The following COBL variants were observed in gnomAD, a reference collection of about 807,000 sequenced individuals.
The protein encoded by COBL is protein cordon-bleu.
Under a neutral mutation model 98.8 loss-of-function variants are expected in COBL, and 51 were observed. The observed-to-expected ratio is 0.52, with a 90% CI of 0.41 to 0.65. The LOEUF (loss-of-function observed/expected upper bound fraction) is 0.65. Ranked by LOEUF, COBL falls within the 30% of genes least tolerant of loss-of-function variation. The probability of loss-of-function intolerance (pLI) is 0.00; values close to 1 mark genes in which losing one functional copy is unlikely to be tolerated. For missense variants in COBL, 1,617 were observed against 1,617.5 expected, an observed-to-expected ratio of 1.00 and a Z score of 0.01; for synonymous variants, 634 against 651.7, an observed-to-expected ratio of 0.97 and a Z score of 0.41.
chr7:51,260,532 G>T lies in COBL; in HGVS notation c.42-40588C>A, dbSNP rs957035209. ...ACAAACACTCAAGACACCAAGGCTT[G>T]TGCCATGAGAAAGGCTCATATACAA... is the stretch of plus-strand genomic sequence containing the variant. On this transcript the variant is annotated intron_variant, in intron 1 of 12. Transcript: ENST00000265136. Among the ~76,000 whole-genome samples the T allele has an allele frequency of 2.0e-5, 3 of 152,224 alleles. No homozygotes were observed. In the South Asian group the frequency reaches 6.2e-4, roughly 32 times the overall value.
At chr7:51,164,682 C>T (rs764763408) in intron 5 of COBL, among the ~76,000 whole-genome samples, 21 of 151,940 alleles carry the variant, frequency 1.4e-4, no homozygotes, top group Non-Finnish European at 2.7e-4. Flanking sequence ...ACAAAACTCA[C>T]GGGTAATAGT....
At chr7:51,114,361 C>G (rs561442898) in intron 6 of COBL, among the ~76,000 whole-genome samples, 39 of 129,696 alleles carry the variant, frequency 3.0e-4, no homozygotes, top group Non-Finnish European at 5.8e-4. Context: ...CTGGTTCTTA[C>G]GTACTCCAGA....
intron 8 of COBL, among the ~76,000 whole-genome samples, chr7:51,039,629 T>C (rs901440687): frequency 6.6e-6 from 1 of 152,252 alleles, no homozygotes; most frequent in East Asian, 1.9e-4. Context: ...TCAAGCAATA[T>C]AGCACAGGGA....
chr7:51,090,895 G>A (rs1228044211), intron 6 of COBL, among the ~76,000 whole-genome samples: 1 of 152,224 alleles, frequency 6.6e-6, no homozygotes, highest in Non-Finnish European at 1.5e-5. Context: ...CAGTACCATA[G>A]ACAGATGCAA....
intron 7 of COBL, among the ~76,000 whole-genome samples, chr7:51,057,323 C>T (rs142868955): frequency 0.012 from 1,685 of 136,048 alleles, 14 homozygotes; most frequent in Middle Eastern, 0.04. Context: ...TATGCGTGCA[C>T]GCACACACAT....
intron 5 of COBL, among the ~76,000 whole-genome samples, chr7:51,145,062 T>C (rs756914273): frequency 5.9e-5 from 9 of 152,234 alleles, no homozygotes; most frequent in Admixed American, 1.3e-4. Flanking sequence ...TCGCCCAGGC[T>C]GGAGTGCAGT....
chr7:51,132,387 T>C (rs1798826369), intron 6 of COBL, among the ~76,000 whole-genome samples: 2 of 152,224 alleles, frequency 1.3e-5, no homozygotes, highest in Admixed American at 6.5e-5. Context: ...CCATGAGATC[T>C]ATGTCTGATC....
chr7:51,173,098 A>G (rs1788040140), intron 5 of COBL, among the ~76,000 whole-genome samples: 1 of 151,984 alleles, frequency 6.6e-6, no homozygotes, highest in African/African-American at 2.4e-5. Context: ...AAAAATATGC[A>G]ATTTTAAAAC....
chr7:51,036,642 C>G (rs866611855), intron 8 of COBL, among the ~76,000 whole-genome samples: 67 of 152,208 alleles, frequency 4.4e-4, no homozygotes, highest in African/African-American at 1.6e-3. Context: ...CTTCTGCAGC[C>G]ATCATCCCCA....
In COBL at chr7:51,316,709, G is replaced by A; in HGVS notation, c.-76C>T. 2 of 1,081,686 alleles carry A rather than the reference G, an allele frequency of 1.8e-6. No individual in the cohort carries two copies. The highest frequency in any genetic ancestry group is 2.3e-6 in the Non-Finnish European group (2 of 861,992). The allele number at this position is 1,081,686 out of a possible 1,614,324, so 67.0% of individuals were successfully genotyped here. A position where few individuals can be genotyped will look rare whatever the true frequency, so the allele number is the denominator to read the frequency against. Reference sequence around the variant, plus strand: ...GCTGGCTACCGCCGCCACCGCTGCCGCCCTCATTCACTTTTTCCGCGCTGA... The same window carrying A: ...GCTGGCTACCGCCGCCACCGCTGCCACCCTCATTCACTTTTTCCGCGCTGA... On this transcript the variant is annotated 5_prime_UTR_variant, in exon 1 of 13. Transcript: ENST00000265136.
At chr7:51,303,647 T>A (rs1247326134) in intron 1 of COBL, among the ~76,000 whole-genome samples, 1 of 152,160 alleles carries the variant, frequency 6.6e-6, no homozygotes, top group Non-Finnish European at 1.5e-5. Flanking sequence ...GGGAGAGGGA[T>A]TTTACCAAGC....
intron 1 of COBL, among the ~76,000 whole-genome samples, chr7:51,223,776 G>A (rs1183221856): frequency 1.3e-5 from 2 of 152,176 alleles, no homozygotes; most frequent in East Asian, 3.8e-4. Flanking sequence ...CACTGTGGCT[G>A]GAAGCACTTG....
At chr7:51,240,465 T>C (rs1184147080) in intron 1 of COBL, among the ~76,000 whole-genome samples, 1 of 152,232 alleles carries the variant, frequency 6.6e-6, no homozygotes, top group Non-Finnish European at 1.5e-5. Context: ...TGGACTTGAG[T>C]GCGGCTCAAG....
rs775318103 is a variant in COBL at position 51,026,528 on chromosome 7, A to G, written c.3504+18T>C. 1 of 1,612,254 alleles carries G rather than the reference A, an allele frequency of 6.2e-7. No homozygotes were observed. Among genetic ancestry groups the G allele is most frequent in the Non-Finnish European group, 8.5e-7 (1 of 1,178,990 alleles). The stretch of plus-strand genomic sequence containing the variant: ...GGGTTTGAGCTCCTGGCGCCATGGA[A>G]GGCCCTTCACCTCTTACCTTCCTCA... On this transcript the variant is annotated intron_variant, in intron 11 of 12. Transcript: ENST00000265136.
intron 11 of COBL, 59 bp from the exon 12 acceptor site, chr7:51,025,431 T>C (rs1161734316): frequency 6.3e-7 from 1 of 1,577,990 alleles, no homozygotes; most frequent in African/African-American, 1.3e-5. Flanking sequence ...AATTCAGCTG[T>C]GAAATCCCAA....
In COBL at chr7:51,291,565, A is replaced by G. The variant is rs186912431; in HGVS notation, c.41+25028T>C. Among the ~76,000 whole-genome samples the G allele has an allele frequency of 3.9e-5, 6 of 152,216 alleles. No homozygotes were observed. The East Asian group carries it at 1.2e-3, about 30-fold the overall frequency. ...CACCTGAGATCAGGAGTTCAAGACC[A>G]GCTTGGCCAACATGGTGAAACCCTC... On this transcript the variant is annotated intron_variant, in intron 1 of 12. Coordinates refer to ENST00000265136, the MANE Select transcript of COBL (RefSeq NM_015198.5).
chr7:51,208,569 G>A (rs1043195994), intron 2 of COBL, among the ~76,000 whole-genome samples: 7 of 152,246 alleles, frequency 4.6e-5, no homozygotes, highest in South Asian at 2.1e-4. Flanking sequence ...CGTGCCCAGC[G>A]GCTCATTGAG....
In COBL at chr7:51,195,898, C is replaced by T. The variant is rs1790545007; in HGVS notation, c.246-2309G>A. On this transcript the variant is annotated intron_variant, in intron 2 of 12. Coordinates refer to ENST00000265136, the MANE Select transcript of COBL (RefSeq NM_015198.5). Reference sequence around the variant, plus strand: ...TTTACCAGCTTAAGAAGCTTTAGGGCCAAGACTATAGGGTGTTCTAGATAT... The same window carrying T: ...TTTACCAGCTTAAGAAGCTTTAGGGTCAAGACTATAGGGTGTTCTAGATAT... 2.0e-5 allele frequency among the ~76,000 whole-genome samples: 3 copies of T among 152,076 alleles called. No homozygotes were observed. In the South Asian group the frequency reaches 6.2e-4, roughly 32 times the overall value.
intron 5 of COBL, among the ~76,000 whole-genome samples, chr7:51,137,293 G>A (rs565046916): frequency 1.3e-5 from 2 of 152,266 alleles, no homozygotes; most frequent in East Asian, 3.9e-4. Context: ...TTTGGTGTCA[G>A]GAGTAAGATA....
Sources: allele counts gnomAD v4.1 joint callset (sites outside exome capture counted in the v4.1 genomes callset), GRCh38; gene constraint gnomAD v4.1.1; transcripts MANE v1.5; gene names NCBI Gene and HGNC (gene_info 2026-07-23, HGNC 2026-07-21).